The following DIXDC1 variants were observed in gnomAD, a reference collection of about 807,000 sequenced individuals.
DIXDC1 encodes the protein dixin.
Under a neutral mutation model 103.1 loss-of-function variants are expected in DIXDC1, and 64 were observed. The ratio of observed to expected loss-of-function variants is 0.62; its 90% confidence interval spans 0.51 to 0.76. The LOEUF (loss-of-function observed/expected upper bound fraction) is 0.76. Ranked by LOEUF, DIXDC1 falls within the 30% of genes least tolerant of loss-of-function variation. The pLI is 0.00. For missense variants in DIXDC1, 759 were observed against 834.2 expected, an observed-to-expected ratio of 0.91 and a Z score of 1.11; for synonymous variants, 266 against 298.5, an observed-to-expected ratio of 0.89 and a Z score of 1.12.
Position 112,016,817 on chromosome 11 carries a change from T to C in DIXDC1, c.1862+21T>C, listed in dbSNP as rs782004001. 3 of 1,573,712 alleles carry C rather than the reference T, an allele frequency of 1.9e-6. No individual in the cohort carries two copies. In the Admixed American group the frequency reaches 5.4e-5, roughly 28 times the overall value. ...AAGAGGTGAGATTCTGGGATCATTG[T>C]ATTTCACTGTAAAGAAGGAAAGGAA... is the stretch of plus-strand genomic sequence containing the variant. On this transcript the variant is annotated intron_variant, in intron 18 of 19. Coordinates refer to ENST00000440460, the MANE Select transcript of DIXDC1 (RefSeq NM_001037954.4).
intron 11 of DIXDC1, 112 bp downstream of exon 11, chr11:111,992,631 C>A: frequency 2.1e-6 from 2 of 960,914 alleles, no homozygotes; most frequent in Admixed American, 2.4e-5. Context: ...TTCTGGGATG[C>A]CTGCCTTAAG....
At chr11:111,972,117 AAAAC>A (rs1442831728) in intron 3 of DIXDC1, among the ~76,000 whole-genome samples, 1 of 152,212 alleles carries the variant, frequency 6.6e-6, no homozygotes, top group Non-Finnish European at 1.5e-5. Context: ...ACCTGCTTCT[AAAAC>A]AAAAGGTGAA....
rs1861726546 is a variant in DIXDC1 at position 112,020,615 on chromosome 11, T to C, written c.*1579T>C. 6.6e-6 allele frequency: 1 copy of C among 152,250 alleles called. No individual in the cohort carries two copies. The highest frequency in any genetic ancestry group is 1.5e-5 in the Non-Finnish European group (1 of 68,048). The allele number at this position is 152,250 out of a possible 1,614,324, so 9.4% of individuals were successfully genotyped here. A position where few individuals can be genotyped will look rare whatever the true frequency, so the allele number is the denominator to read the frequency against. ...AACCCAGTAGCTTTTATACAGTCTC[T>C]TCTTACCACCCCTTGTGGTTTCAGA... On this transcript the variant is annotated 3_prime_UTR_variant, in exon 20 of 20. Coordinates refer to ENST00000440460, the MANE Select transcript of DIXDC1 (RefSeq NM_001037954.4).
chr11:111,963,867 C>A (rs1859648175), intron 1 of DIXDC1, among the ~76,000 whole-genome samples: 1 of 152,172 alleles, frequency 6.6e-6, no homozygotes, highest in Non-Finnish European at 1.5e-5. Flanking sequence ...AGTAACATTG[C>A]TCACTATAGC....
At chr11:111,950,442 T>TA (rs1966764452) in intron 1 of DIXDC1, among the ~76,000 whole-genome samples, 1 of 12,778 alleles carries the variant, frequency 7.8e-5, no homozygotes, top group Non-Finnish European at 1.5e-4. Flanking sequence ...ATATATATTT[T>TA]TTTTTTTTTT....
At chr11:112,016,570 GGT>G (rs1861597558) in intron 17 of DIXDC1, 119 bp from the exon 18 acceptor site, 2 of 722,042 alleles carry the variant, frequency 2.8e-6, no homozygotes, top group Non-Finnish European at 4.3e-6. Flanking sequence ...GTTTGGCAAG[GGT>G]GTGAGAGCTG....
rs781835332 is a variant in DIXDC1 at position 111,992,935 on chromosome 11, T to C, written c.1219-16T>C. On this transcript the variant is annotated splice_polypyrimidine_tract_variant and intron_variant, in intron 11 of 19. Transcript: ENST00000440460. ...GGCAGTACCTGCGTGCCATGAATTC[T>C]TTCTTATTCTTGCAGGTGGATCTGC... The C allele has an allele frequency of 6.6e-5, 105 of 1,602,154 alleles. No individual in the cohort carries two copies. The highest frequency in any genetic ancestry group is 8.6e-5 in the Non-Finnish European group (101 of 1,174,426).
chr11:112,006,429 C>G (rs1861239928), intron 17 of DIXDC1, among the ~76,000 whole-genome samples: 1 of 152,266 alleles, frequency 6.6e-6, no homozygotes, highest in Admixed American at 6.5e-5. Context: ...CTGAAGAGAG[C>G]AGTGGTTCTA....
chr11:111,953,550 A>T (rs587665816), intron 1 of DIXDC1, among the ~76,000 whole-genome samples: 11 of 152,262 alleles, frequency 7.2e-5, no homozygotes, highest in Admixed American at 3.3e-4. Context: ...AGGCAGGAGA[A>T]TTGCTTGAAC....
intron 8 of DIXDC1, among the ~76,000 whole-genome samples, chr11:111,986,366 CT>C (rs1218631165): frequency 9.5e-4 from 68 of 71,630 alleles, no homozygotes; most frequent in Admixed American, 1.5e-3. Context: ...CATACTTATT[CT>C]TTTTTTTTTT....
chr11:112,001,463 A>G (rs1489398642), intron 17 of DIXDC1, among the ~76,000 whole-genome samples: 8 of 152,240 alleles, frequency 5.3e-5, no homozygotes, highest in Non-Finnish European at 1.2e-4. Flanking sequence ...GAATTTTACT[A>G]CAATTTTTAA....
At chr11:111,940,205 G>T (rs782445088) in intron 1 of DIXDC1, among the ~76,000 whole-genome samples, 1 of 152,248 alleles carries the variant, frequency 6.6e-6, no homozygotes, top group Admixed American at 6.5e-5. Context: ...AGCCATGCAT[G>T]ACAGAGTTTT....
chr11:111,992,517 A>T lies in DIXDC1; in HGVS notation c.1216A>T (p.Asn406Tyr). ...GGACAAAGATGAGCTGCACAACCAG[A>T]ATGTGAGTTAAATGAATGAGCCTTG... ...NMDKDELHNQ[N>Y]VDLQRKLDER... The change falls in exon 11 of 20, where the codon AAT (asparagine) becomes TAT (tyrosine). Residue 406 changes from asparagine to tyrosine, a missense_variant and splice_region_variant. Physicochemically the swap from Asn to Tyr is moderately radical, Grantham distance 143. Around this residue, in one of 3 missense-constraint regions of DIXDC1, gnomAD observed 657 missense variants for 727.5 expected, o/e 0.90. Transcript: ENST00000440460. The T allele has an allele frequency of 1.3e-6, 2 of 1,561,200 alleles. No individual in the cohort carries two copies. Among genetic ancestry groups the T allele is most frequent in the Non-Finnish European group, 1.7e-6 (2 of 1,151,906 alleles).
intron 1 of DIXDC1, among the ~76,000 whole-genome samples, chr11:111,956,344 T>C (rs1253133316): frequency 6.6e-6 from 1 of 152,168 alleles, no homozygotes; most frequent in Non-Finnish European, 1.5e-5. Flanking sequence ...CACCTAGAAC[T>C]GGTTAATATG....
chr11:111,984,002 G>A (rs1334702787), intron 7 of DIXDC1, among the ~76,000 whole-genome samples: 6 of 152,156 alleles, frequency 3.9e-5, no homozygotes, highest in East Asian at 1.9e-4. Flanking sequence ...AATGTTGAAT[G>A]CCCTTAGCTC....
chr11:111,972,547 C>T (rs1350447713), intron 3 of DIXDC1, among the ~76,000 whole-genome samples: 1 of 152,146 alleles, frequency 6.6e-6, no homozygotes, highest in Non-Finnish European at 1.5e-5. Flanking sequence ...TATCTGAGGA[C>T]CCTTAGGATA....
intron 1 of DIXDC1, among the ~76,000 whole-genome samples, chr11:111,945,270 A>G (rs1347570186): frequency 1.3e-5 from 2 of 152,202 alleles, no homozygotes; most frequent in African/African-American, 2.4e-5. Flanking sequence ...TAAGTTTTAT[A>G]TCTTACAACT....
intron 15 of DIXDC1, 26 bp downstream of exon 15, chr11:111,995,134 T>G (rs376045279): frequency 1.2e-6 from 2 of 1,604,714 alleles, no homozygotes; most frequent in Non-Finnish European, 1.7e-6. Context: ...TTTGATGGAG[T>G]CCTGCCACTT....
intron 8 of DIXDC1, 102 bp from the exon 9 acceptor site, chr11:111,986,769 A>T: frequency 1.0e-6 from 1 of 996,696 alleles, no homozygotes; most frequent in Non-Finnish European, 1.5e-6. Context: ...TATCCACAGT[A>T]CAGAGCTGGC....
Sources: allele counts gnomAD v4.1 joint callset (sites outside exome capture counted in the v4.1 genomes callset), GRCh38; gene constraint gnomAD v4.1.1; regional missense constraint gnomAD v4.1.1; transcripts MANE v1.5; gene names NCBI Gene and HGNC (gene_info 2026-07-23, HGNC 2026-07-21).